The following KIRREL3 variants were observed in gnomAD, a reference collection of about 807,000 sequenced individuals.
The protein encoded by KIRREL3 is kin of IRRE-like protein 3.
In KIRREL3, 36 loss-of-function variants were observed where a neutral mutation model predicts 89.7. That is an observed-to-expected ratio of 0.40 (90% CI 0.31 to 0.53). KIRREL3 has a LOEUF of 0.53. Ranked by LOEUF, KIRREL3 falls within the 20% of genes least tolerant of loss-of-function variation. The probability of loss-of-function intolerance (pLI) is 0.49; values close to 1 mark genes in which losing one functional copy is unlikely to be tolerated. For missense variants in KIRREL3, 864 were observed against 1,056.6 expected (o/e 0.82, Z 2.53); for synonymous variants, 445 against 441.4 (o/e 1.01, Z -0.10).
intron 1 of KIRREL3, among the ~76,000 whole-genome samples, chr11:126,731,623 G>A (rs539331926): frequency 1.1e-4 from 16 of 152,280 alleles, no homozygotes; most frequent in South Asian, 4.1e-4. Context: ...TGCACACCTC[G>A]TTGCTGGAAG....
At position 126,656,866 on chromosome 11, in the gene KIRREL3, T is replaced by TCGTGGTGG. The variant is rs1226770720; in HGVS notation, c.56-93962_56-93955dup. ...TGGGAGTCCCAGACCAGCCTGGCTG[T>TCGTGGTGG]CGTGGTGGGACCCCGTCTCTACTAG... On this transcript the variant is annotated intron_variant, in intron 1 of 16. Transcript: ENST00000525144. This position sits in a 1 kb window ranked among gnomAD's most constrained non-coding sequence, Gnocchi z 4.0. Among the ~76,000 whole-genome samples the TCGTGGTGG allele has an allele frequency of 6.6e-6, 1 of 152,062 alleles. No homozygotes were observed. The highest frequency in any genetic ancestry group is 1.5e-5 in the Non-Finnish European group (1 of 68,028).
In KIRREL3 at chr11:126,575,527, C is replaced by T. The variant is rs1331792614; in HGVS notation, c.56-12615G>A. The stretch of plus-strand genomic sequence containing the variant: ...ACCAAGGCCGGACACATTGTAAGCC[C>T]CTATAAATGGTACTTACTTATAAAT... On this transcript the variant is annotated intron_variant, in intron 1 of 16. Transcript: ENST00000525144. This position sits in a 1 kb window ranked among gnomAD's most constrained non-coding sequence, Gnocchi z 7.0. Among the ~76,000 whole-genome samples, 3 of 152,052 alleles carry T rather than the reference C, an allele frequency of 2.0e-5. No individual in the cohort carries two copies. The East Asian group carries it at 5.8e-4, about 29-fold the overall frequency.
rs1370268177 is a variant in KIRREL3 at position 126,903,105 on chromosome 11, A to T, written c.55+97350T>A. 1.3e-5 allele frequency among the ~76,000 whole-genome samples: 2 copies of T among 152,282 alleles called. No homozygotes were observed. The highest frequency in any genetic ancestry group is 2.4e-5 in the African/African-American group (1 of 41,558). ...TGTTTTCTTACTTGTCTAATTATTTAAAAAAGAATAGCTGTGGTAAAGCAC... is the reference window on the plus strand; with the variant it reads ...TGTTTTCTTACTTGTCTAATTATTTTAAAAAGAATAGCTGTGGTAAAGCAC... On this transcript the variant is annotated intron_variant, in intron 1 of 16. Coordinates refer to ENST00000525144, the MANE Select transcript of KIRREL3 (RefSeq NM_032531.4). The surrounding 1 kb of genome is among the most constrained non-coding windows in gnomAD (Gnocchi z 4.5).
intron 1 of KIRREL3, among the ~76,000 whole-genome samples, chr11:126,853,893 ATTAATAG>A (rs977259422): frequency 2.6e-5 from 4 of 152,176 alleles, no homozygotes; most frequent in African/African-American, 9.7e-5. Context: ...AGTTAATGAT[ATTAATAG>A]TGGGGCAGAA....
At position 126,802,724 on chromosome 11, in the gene KIRREL3, T is replaced by C. The variant is rs998217358; in HGVS notation, c.55+197731A>G. Among the ~76,000 whole-genome samples, 2 of 152,254 alleles carry C rather than the reference T, an allele frequency of 1.3e-5. No homozygotes were observed. The highest frequency in any genetic ancestry group is 4.8e-5 in the African/African-American group (2 of 41,474). Reference sequence around the variant, plus strand: ...ATAACTGGATAAGTAATTATCCTACTCTTTAAATCAATCTTTCTTAAATGT... The same window carrying C: ...ATAACTGGATAAGTAATTATCCTACCCTTTAAATCAATCTTTCTTAAATGT... On this transcript the variant is annotated intron_variant, in intron 1 of 16. Coordinates refer to ENST00000525144, the MANE Select transcript of KIRREL3 (RefSeq NM_032531.4). The surrounding 1 kb of genome is among the most constrained non-coding windows in gnomAD (Gnocchi z 5.2).
At chr11:126,937,187 C>T (rs1948224802) in intron 1 of KIRREL3, 1 of 152,140 alleles carries the variant, frequency 6.6e-6, no homozygotes, top group African/African-American at 2.4e-5. Context: ...TCCAGCTTAG[C>T]CAGAAAGAGG....
At position 126,711,156 on chromosome 11, in the gene KIRREL3, A is replaced by G. The variant is rs549902774; in HGVS notation, c.56-148244T>C. Among the ~76,000 whole-genome samples, 161 of 152,318 alleles carry G rather than the reference A, an allele frequency of 1.1e-3. 2 individuals are homozygous for G. The South Asian group carries it at 0.024, about 23-fold the overall frequency. ...AGTGCTTTTGCATCCTTAGAGAAAA[A>G]TCTCTGCTCCATCTTTTTATGGATC... On this transcript the variant is annotated intron_variant, in intron 1 of 16. Transcript: ENST00000525144.
At chr11:126,818,146 T>C (rs1203067515) in intron 1 of KIRREL3, among the ~76,000 whole-genome samples, 1 of 152,294 alleles carries the variant, frequency 6.6e-6, no homozygotes, top group East Asian at 1.9e-4. Flanking sequence ...TGAGTCTAAG[T>C]GTCTAGGGCC....
At chr11:126,784,855 T>C (rs1164538430) in intron 1 of KIRREL3, among the ~76,000 whole-genome samples, 2 of 152,200 alleles carry the variant, frequency 1.3e-5, no homozygotes, top group African/African-American at 2.4e-5. Flanking sequence ...AATAAAAGCA[T>C]AGTCAATTAC....
chr11:126,425,331 C>T (rs1300419855), intron 16 of KIRREL3, among the ~76,000 whole-genome samples: 3 of 152,186 alleles, frequency 2.0e-5, no homozygotes, highest in African/African-American at 7.2e-5. Context: ...CAGGGCAATG[C>T]AGGGTCATTT....
chr11:126,826,065 A>G (rs778753193), intron 1 of KIRREL3, among the ~76,000 whole-genome samples: 1 of 152,100 alleles, frequency 6.6e-6, no homozygotes, highest in Non-Finnish European at 1.5e-5. Context: ...GTCACTCATC[A>G]GATGCCCCCT....
rs1957482497 is a variant in KIRREL3 at position 126,490,497 on chromosome 11, C to G, written c.434-17031G>C. Among the ~76,000 whole-genome samples the G allele has an allele frequency of 6.6e-6, 1 of 152,162 alleles. No homozygotes were observed. The highest frequency in any genetic ancestry group is 1.5e-5 in the Non-Finnish European group (1 of 68,036). On this transcript the variant is annotated intron_variant, in intron 4 of 16. Transcript: ENST00000525144. This position sits in a 1 kb window ranked among gnomAD's most constrained non-coding sequence, Gnocchi z 4.2. The stretch of plus-strand genomic sequence containing the variant: ...AGAAATCCTGGGGGCTGAGATACAA[C>G]CTCAGTGAACAAGCCACTGGGCCAG...
Position 126,656,966 on chromosome 11 carries a change from G to T in KIRREL3, c.56-94054C>A, listed in dbSNP as rs7124864. 0.04 allele frequency among the ~76,000 whole-genome samples: 6,074 copies of T among 151,886 alleles called. 247 individuals carry two copies. The highest frequency in any genetic ancestry group is 0.099 in the African/African-American group (4,077 of 41,352). On this transcript the variant is annotated intron_variant, in intron 1 of 16. Coordinates refer to ENST00000525144, the MANE Select transcript of KIRREL3 (RefSeq NM_032531.4). This position sits in a 1 kb window ranked among gnomAD's most constrained non-coding sequence, Gnocchi z 4.0. ...GCTTGGGAGGCTGAGGCATGAGAGT[G>T]GCTTGAACCCAGGAGGCTAGGGTTG...
chr11:126,801,266 G>T (rs900546740), intron 1 of KIRREL3, among the ~76,000 whole-genome samples: 1 of 151,732 alleles, frequency 6.6e-6, no homozygotes, highest in South Asian at 2.1e-4. Context: ...ACAATTTTTG[G>T]GTCTTTGGGG....
rs1364893742 is a variant in KIRREL3, at chr11:126,977,205, A to C, written c.55+23250T>G. On this transcript the variant is annotated intron_variant, in intron 1 of 16. Coordinates refer to ENST00000525144, the MANE Select transcript of KIRREL3 (RefSeq NM_032531.4). The surrounding 1 kb of genome is among the most constrained non-coding windows in gnomAD (Gnocchi z 4.7). ...ACCTCTTTTGTCCTCTTCTTCTGCC[A>C]GGTGCCCCGCCTGCCATCTTTTGTA... 6.6e-6 allele frequency among the ~76,000 whole-genome samples: 1 copy of C among 151,950 alleles called. No homozygotes were observed.
rs1361073464 is a variant in KIRREL3, at chr11:127,000,477, G to A, written c.33C>T (p.Val11=). The A allele has an allele frequency of 1.2e-6, 2 of 1,608,418 alleles. No individual in the cohort carries two copies. The highest frequency in any genetic ancestry group is 1.7e-6 in the Non-Finnish European group (2 of 1,177,536). MKPFQLDLLF[V]CFFLFSQELG... ...TACCTTGACTGAAGAGGAAGAAGCA[G>A]ACGAAGAGCAGATCGAGCTGGAAGG... Residue 11 remains valine, a synonymous_variant, in exon 1 of 17, where the codon GTC becomes GTT. Coordinates refer to ENST00000525144, the MANE Select transcript of KIRREL3 (RefSeq NM_032531.4). This position sits in a 1 kb window ranked among gnomAD's most constrained non-coding sequence, Gnocchi z 7.1.
rs900451647 is a variant in KIRREL3, at chr11:126,513,387, G to A, written c.433+7928C>T. Among the ~76,000 whole-genome samples the A allele has an allele frequency of 1.3e-5, 2 of 152,190 alleles. No homozygotes were observed. The highest frequency in any genetic ancestry group is 2.9e-5 in the Non-Finnish European group (2 of 68,034). ...GAAATCGCTCATGGTGGCACTGGCT[G>A]GGGTAGGGTGGGGCTGTGCATTCCT... On this transcript the variant is annotated intron_variant, in intron 4 of 16. Coordinates refer to ENST00000525144, the MANE Select transcript of KIRREL3 (RefSeq NM_032531.4). The surrounding 1 kb of genome is among the most constrained non-coding windows in gnomAD (Gnocchi z 5.9).
intron 1 of KIRREL3, among the ~76,000 whole-genome samples, chr11:126,961,548 G>GA (rs1255085937): frequency 6.6e-6 from 1 of 152,188 alleles, no homozygotes; most frequent in Non-Finnish European, 1.5e-5. Flanking sequence ...AGAAATGTTG[G>GA]AAGCTAGCAC....
intron 11 of KIRREL3, among the ~76,000 whole-genome samples, chr11:126,438,314 C>T (rs1955437613): frequency 6.6e-6 from 1 of 152,250 alleles, no homozygotes; most frequent in Non-Finnish European, 1.5e-5. Flanking sequence ...TCAGAGCCGG[C>T]CACATACACT....
Sources: allele counts gnomAD v4.1 joint callset (sites outside exome capture counted in the v4.1 genomes callset), GRCh38; gene constraint gnomAD v4.1.1; non-coding constraint Gnocchi (gnomAD v3.1); transcripts MANE v1.5; gene names NCBI Gene and HGNC (gene_info 2026-07-23, HGNC 2026-07-21).